Variants in IMPA2 observed in about 807,000 individuals in gnomAD.
IMPA2 encodes the protein inositol monophosphatase 2.
In IMPA2, 32 loss-of-function variants were observed where a neutral mutation model predicts 35.1. That is an observed-to-expected ratio of 0.91 (90% CI 0.69 to 1.23). The LOEUF (loss-of-function observed/expected upper bound fraction) is 1.23. Among genes scored for constraint, IMPA2 ranks in the 50% most tolerant of loss-of-function variants. The pLI is 0.00. For synonymous variants in IMPA2, 135 were observed against 160.6 expected (o/e 0.84, Z 1.20); for missense variants, 334 against 387.6 (o/e 0.86, Z 1.16).
At chr18:12,002,763 CAAAA>C (rs57245640) in intron 2 of IMPA2, among the ~76,000 whole-genome samples, 58,508 of 137,688 alleles carry the variant, frequency 0.42, 13,943 homozygotes, top group African/African-American at 0.67. Context: ...GACCTTGTCT[CAAAA>C]AAAAAAAAAA....
intron 2 of IMPA2, among the ~76,000 whole-genome samples, chr18:11,999,627 C>T (rs566148770): frequency 3.2e-4 from 49 of 152,334 alleles, no homozygotes; most frequent in African/African-American, 1.1e-3. Flanking sequence ...CACTGGCAGC[C>T]GCGTGGGGCC....
Position 12,016,265 on chromosome 18 carries a change from C to T in IMPA2, c.490+1892C>T, listed in dbSNP as rs117138144. Among the ~76,000 whole-genome samples the T allele has an allele frequency of 7.8e-3, 1,188 of 152,250 alleles. 7 individuals are homozygous for T. Among genetic ancestry groups the T allele is most frequent in the Non-Finnish European group, 0.012 (831 of 68,016 alleles). ...AAAGGCCAAAAAGAATCAGTGAAAA[C>T]CTAAACTGGCCCATTCAGGACAGGC... On this transcript the variant is annotated intron_variant, in intron 5 of 7. Transcript: ENST00000269159.
intron 2 of IMPA2, among the ~76,000 whole-genome samples, chr18:12,001,065 C>T (rs28406653): frequency 1.5e-3 from 231 of 151,830 alleles, no homozygotes; most frequent in African/African-American, 5.2e-3. Flanking sequence ...CTCGTCCCTA[C>T]TAAGAATGCA....
chr18:12,012,876 C>G (rs1463563198), intron 4 of IMPA2, among the ~76,000 whole-genome samples: 2 of 152,244 alleles, frequency 1.3e-5, no homozygotes, highest in African/African-American at 4.8e-5. Context: ...TCACCTTAGT[C>G]TCAGCACAGA....
At chr18:11,982,434 G>C (rs965586848) in intron 1 of IMPA2, among the ~76,000 whole-genome samples, 5 of 152,220 alleles carry the variant, frequency 3.3e-5, no homozygotes, top group African/African-American at 1.2e-4. Flanking sequence ...ACCGACGGTA[G>C]TGGTAGGCAA....
In IMPA2 at chr18:11,999,039, G is replaced by A. The variant is rs45442994; in HGVS notation, c.97-15G>A. On this transcript the variant is annotated splice_polypyrimidine_tract_variant and intron_variant, in intron 1 of 7. Transcript: ENST00000269159. ...TGTTTGCATGTTTAACCCAAATCCC[G>A]TACTTTTATTTCAGATCATCAGAAA... The A allele has an allele frequency of 0.16, 248,865 of 1,601,076 alleles. 21,579 individuals are homozygous for A. The highest frequency in any genetic ancestry group is 0.31 in the South Asian group (27,996 of 90,110).
At chr18:11,985,958 T>C (rs1461791611) in intron 1 of IMPA2, among the ~76,000 whole-genome samples, 6 of 152,198 alleles carry the variant, frequency 3.9e-5, no homozygotes, top group Non-Finnish European at 5.9e-5. Flanking sequence ...AACAGCTGAC[T>C]TTTGCCCATT....
chr18:12,030,346 G>A lies in IMPA2; in HGVS notation c.755G>A (p.Gly252Glu). 1.2e-6 allele frequency: 2 copies of A among 1,613,938 alleles called. No individual in the cohort carries two copies. Among genetic ancestry groups the A allele is most frequent in the Non-Finnish European group, 1.7e-6 (2 of 1,179,794 alleles). The change falls in exon 8 of 8, where the codon GGA (glycine) becomes GAA (glutamate). Residue 252 changes from glycine (G) to glutamate (E), a missense_variant. Physicochemically the swap from Gly to Glu is moderately conservative, Grantham distance 98 (BLOSUM62 -2). Coordinates refer to ENST00000269159, the MANE Select transcript of IMPA2 (RefSeq NM_014214.3). ...GGCTCTCTCTGTCTGTCCCCAGGTG[G>A]ACCCCTCGACCTCATGGCTTGCAGA... The part of the protein sequence containing the change: ...AGGIVIDTSG[G>E]PLDLMACRVV...
chr18:12,006,294 A>G (rs1907245341), intron 2 of IMPA2, among the ~76,000 whole-genome samples: 1 of 152,026 alleles, frequency 6.6e-6, no homozygotes, highest in Admixed American at 6.5e-5. Context: ...TTCCTCCTAG[A>G]TCTGTTTGGG....
intron 5 of IMPA2, chr18:12,021,760 G>A (rs556586302): frequency 2.0e-5 from 3 of 152,220 alleles, no homozygotes; most frequent in East Asian, 1.9e-4. Flanking sequence ...CAAAGCGATC[G>A]GCGCACCTCA....
At position 11,999,056 on chromosome 18, in the gene IMPA2, C is replaced by A; in HGVS notation, c.99C>A (p.Ile33=). The part of the protein sequence containing the change: ...AVQLALRAGQ[I]IRKALTEEKR... ...CAAATCCCGTACTTTTATTTCAGATCATCAGAAAAGCCCTTACTGAGGAAA... is the reference window on the plus strand; with the variant it reads ...CAAATCCCGTACTTTTATTTCAGATAATCAGAAAAGCCCTTACTGAGGAAA... The change falls in exon 2 of 8, where the codon ATC becomes ATA. Residue 33 remains isoleucine, a splice_region_variant and synonymous_variant. Coordinates refer to ENST00000269159, the MANE Select transcript of IMPA2 (RefSeq NM_014214.3). 6.2e-7 allele frequency: 1 copy of A among 1,611,000 alleles called. No homozygotes were observed. Among genetic ancestry groups the A allele is most frequent in the Non-Finnish European group, 8.5e-7 (1 of 1,178,856 alleles).
Position 12,030,375 on chromosome 18 carries a change from G to A in IMPA2, c.784G>A (p.Val262Ile). The change falls in exon 8 of 8, where the codon GTT becomes ATT. Residue 262 changes from valine to isoleucine, a missense_variant. Physicochemically the swap from Val to Ile is conservative, Grantham distance 29 (BLOSUM62 3). Transcript: ENST00000269159. ...GPLDLMACRV[V>I]AASTREMAML... ...CCTCGACCTCATGGCTTGCAGAGTGGTTGCGGCCAGCACCCGGGAGATGGC... is the reference window on the plus strand; with the variant it reads ...CCTCGACCTCATGGCTTGCAGAGTGATTGCGGCCAGCACCCGGGAGATGGC... 1 of 1,614,246 alleles carries A rather than the reference G, an allele frequency of 6.2e-7. No individual in the cohort carries two copies. Among genetic ancestry groups the A allele is most frequent in the Non-Finnish European group, 8.5e-7 (1 of 1,180,048 alleles).
chr18:12,011,281 A>G (rs1907427057), intron 3 of IMPA2, among the ~76,000 whole-genome samples: 1 of 152,188 alleles, frequency 6.6e-6, no homozygotes, highest in Non-Finnish European at 1.5e-5. Context: ...ACCCCACGCT[A>G]TAGCTGTGGT....
intron 2 of IMPA2, among the ~76,000 whole-genome samples, chr18:12,005,666 G>A (rs1907228106): frequency 6.6e-6 from 1 of 152,166 alleles, no homozygotes; most frequent in Non-Finnish European, 1.5e-5. Flanking sequence ...GGTGTCCCAC[G>A]CATCTGGCGA....
In IMPA2 at chr18:11,999,105, G is replaced by A. The variant is rs201071409; in HGVS notation, c.148G>A (p.Ala50Thr). 2.5e-6 allele frequency: 4 copies of A among 1,613,496 alleles called. No homozygotes were observed. The highest frequency in any genetic ancestry group is 3.4e-6 in the Non-Finnish European group (4 of 1,179,604). ...EEKRVSTKTS[A>T]ADLVTETDHL... is the part of the protein sequence containing the mutation. ...AAAACGTGTCTCAACAAAAACATCA[G>A]CTGCAGATCTTGTGACAGAAACAGA... Residue 50 changes from alanine to threonine, a missense_variant, in exon 2 of 8, where the codon GCT becomes ACT. Coordinates refer to ENST00000269159, the MANE Select transcript of IMPA2 (RefSeq NM_014214.3).
chr18:11,984,915 T>C (rs1204283406), intron 1 of IMPA2, among the ~76,000 whole-genome samples: 5 of 137,284 alleles, frequency 3.6e-5, no homozygotes, highest in African/African-American at 1.1e-4. Context: ...TTGCAGTGAG[T>C]AGAGATCGTG....
intron 1 of IMPA2, among the ~76,000 whole-genome samples, chr18:11,986,275 A>G (rs1362167215): frequency 6.6e-6 from 1 of 152,112 alleles, no homozygotes; most frequent in Non-Finnish European, 1.5e-5. Flanking sequence ...TTTGCAAAAC[A>G]CATGTTGTAT....
chr18:11,989,580 G>GAGGT (rs1906757021), intron 1 of IMPA2, among the ~76,000 whole-genome samples: 2 of 152,202 alleles, frequency 1.3e-5, no homozygotes, highest in African/African-American at 4.8e-5. Context: ...CCCTATCTGA[G>GAGGT]AGGTCCCTAT....
chr18:11,992,438 C>T (rs538393411), intron 1 of IMPA2, among the ~76,000 whole-genome samples: 3 of 152,232 alleles, frequency 2.0e-5, no homozygotes, highest in Admixed American at 1.3e-4. Flanking sequence ...GCATAAAGGT[C>T]GGATGGGGAC....
Sources: allele counts gnomAD v4.1 joint callset (sites outside exome capture counted in the v4.1 genomes callset), GRCh38; gene constraint gnomAD v4.1.1; transcripts MANE v1.5; gene names NCBI Gene and HGNC (gene_info 2026-07-23, HGNC 2026-07-21).